The following DMRT1 variants were observed in gnomAD, a reference collection of about 807,000 sequenced individuals.
DMRT1 encodes doublesex and mab-3 related transcription factor 1.
In DMRT1, 7 loss-of-function variants were observed where a neutral mutation model predicts 32.3. That is an observed-to-expected ratio of 0.22 (90% CI 0.12 to 0.41). The LOEUF (loss-of-function observed/expected upper bound fraction) is 0.41, where lower values mean the gene tolerates loss of function less well. Ranked by LOEUF, DMRT1 falls within the 10% of genes least tolerant of loss-of-function variation. The probability of loss-of-function intolerance (pLI) is 1.00; values close to 1 mark genes in which losing one functional copy is unlikely to be tolerated. For synonymous variants in DMRT1, 278 were observed against 206.1 expected, an observed-to-expected ratio of 1.35 and a Z score of -2.99; for missense variants, 625 against 500.5, an observed-to-expected ratio of 1.25 and a Z score of -2.37.
chr9:937,834 G>T (rs901429283), intron 4 of DMRT1, among the ~76,000 whole-genome samples: 6 of 148,366 alleles, frequency 4.0e-5, no homozygotes, highest in African/African-American at 1.5e-4. Context: ...TTGCACAAAA[G>T]TTTTTTTTTT....
intron 2 of DMRT1, among the ~76,000 whole-genome samples, chr9:885,655 C>G (rs551201455): frequency 6.6e-6 from 1 of 152,256 alleles, no homozygotes; most frequent in Non-Finnish European, 1.5e-5. Context: ...GTTTTGTAGA[C>G]ACAGGATGGA....
chr9:964,962 C>T (rs779634296), intron 4 of DMRT1, among the ~76,000 whole-genome samples: 56 of 152,166 alleles, frequency 3.7e-4, no homozygotes, highest in Non-Finnish European at 7.3e-4. Flanking sequence ...TGAAATTAGC[C>T]TGGTGTAGGG....
chr9:888,699 GTTGTTAATAGT>G (rs1250541460), intron 2 of DMRT1, among the ~76,000 whole-genome samples: 4,293 of 149,610 alleles, frequency 0.029, 128 homozygotes, highest in African/African-American at 0.06. Flanking sequence ...GTGTGGAGCA[GTTGTTAATAGT>G]CAGGACTGTC....
chr9:917,913 G>T (rs1818234837), intron 4 of DMRT1, among the ~76,000 whole-genome samples: 1 of 152,200 alleles, frequency 6.6e-6, no homozygotes, highest in Non-Finnish European at 1.5e-5. Flanking sequence ...AGTACACATT[G>T]TTGATTGCAG....
chr9:922,358 G>T (rs973051942), intron 4 of DMRT1, among the ~76,000 whole-genome samples: 1 of 152,132 alleles, frequency 6.6e-6, no homozygotes, highest in Non-Finnish European at 1.5e-5. Context: ...ATAAGAATGT[G>T]GCCACTTCGT....
intron 2 of DMRT1, among the ~76,000 whole-genome samples, chr9:849,826 T>TCA (rs1839062692): frequency 2.9e-5 from 2 of 68,994 alleles, no homozygotes; most frequent in Non-Finnish European, 7.9e-5. Context: ...TCTCTCTCTC[T>TCA]CTCTTTTTTT....
chr9:911,470 ATTTTTTTT>A (rs201141931), intron 3 of DMRT1, among the ~76,000 whole-genome samples: 7,924 of 67,122 alleles, frequency 0.12, 615 homozygotes, highest in East Asian at 0.31. Flanking sequence ...GGTTAATTGC[ATTTTTTTT>A]TTTTTTTTTT....
chr9:937,643 C>T (rs984202988), intron 4 of DMRT1, among the ~76,000 whole-genome samples: 14 of 152,018 alleles, frequency 9.2e-5, no homozygotes, highest in South Asian at 2.1e-4. Flanking sequence ...ATTTATGTAT[C>T]GTCTTTGGAG....
At chr9:949,891 C>CT (rs1024776484) in intron 4 of DMRT1, among the ~76,000 whole-genome samples, 3 of 152,158 alleles carry the variant, frequency 2.0e-5, no homozygotes, top group Admixed American at 2.0e-4. Flanking sequence ...GTAAGATTTC[C>CT]TTCTTTTTAA....
At chr9:873,007 C>G (rs560245406) in intron 2 of DMRT1, among the ~76,000 whole-genome samples, 22 of 152,312 alleles carry the variant, frequency 1.4e-4, no homozygotes, top group African/African-American at 5.1e-4. Context: ...CAGTGTCTTT[C>G]GGAAACACTC....
chr9:849,027 A>G (rs1288537619), intron 2 of DMRT1, among the ~76,000 whole-genome samples: 2 of 150,924 alleles, frequency 1.3e-5, no homozygotes. Flanking sequence ...ATGAGTAAAG[A>G]GGGCAAGTTC....
intron 2 of DMRT1, among the ~76,000 whole-genome samples, chr9:861,901 ATGGGG>A (rs1345450419): frequency 1.4e-5 from 2 of 145,368 alleles, no homozygotes; most frequent in African/African-American, 2.6e-5. Flanking sequence ...CACATCCCAG[ATGGGG>A]CGGCGGGGCA....
intron 1 of DMRT1, among the ~76,000 whole-genome samples, chr9:846,756 T>A (rs147743938): frequency 6.6e-6 from 1 of 152,294 alleles, no homozygotes; most frequent in Non-Finnish European, 1.5e-5. Flanking sequence ...ACAAGCATTT[T>A]TTGAGCACCT....
intron 3 of DMRT1, among the ~76,000 whole-genome samples, chr9:911,033 T>C (rs554872226): frequency 3.3e-5 from 5 of 152,288 alleles, no homozygotes; most frequent in South Asian, 2.1e-4. Context: ...AGCACTTAGC[T>C]GTTTTCTTCT....
chr9:921,048 C>G lies in DMRT1; in HGVS notation c.967+4141C>G, dbSNP rs543149692. Among the ~76,000 whole-genome samples, 30 of 152,210 alleles carry G rather than the reference C, an allele frequency of 2.0e-4. No homozygotes were observed. In the South Asian group the frequency reaches 5.0e-3, roughly 25 times the overall value. On this transcript the variant is annotated intron_variant, in intron 4 of 4. Coordinates refer to ENST00000382276, the MANE Select transcript of DMRT1 (RefSeq NM_021951.3). ...GAATCCACCTAACATTAACTATTAA[C>G]CATAATTAAAGTGTACAATTCAGTG...
chr9:936,998 C>T (rs1818909076), intron 4 of DMRT1, among the ~76,000 whole-genome samples: 1 of 152,112 alleles, frequency 6.6e-6, no homozygotes, highest in African/African-American at 2.4e-5. Flanking sequence ...CAATAACTTC[C>T]CATTTTCCAT....
intron 2 of DMRT1, among the ~76,000 whole-genome samples, chr9:857,346 G>GTA (rs1225684301): frequency 7.9e-5 from 12 of 151,946 alleles, no homozygotes; most frequent in Non-Finnish European, 1.5e-4. Flanking sequence ...AATATAATAT[G>GTA]TATATATATA....
At chr9:893,817 T>C (rs943457222) in intron 2 of DMRT1, 95 bp from the exon 3 acceptor site, 1 of 1,169,388 alleles carries the variant, frequency 8.6e-7, no homozygotes, top group African/African-American at 1.5e-5. Context: ...TTCAGCTACC[T>C]TGCTCCGCAG....
rs75319268 is a variant in DMRT1 at position 933,249 on chromosome 9, T to A, written c.967+16342T>A. On this transcript the variant is annotated intron_variant, in intron 4 of 4. Transcript: ENST00000382276. ...CCAAGCTTTTAATCAAGGCTTAGGG[T>A]CTTTCGGGCGACCAGCCCCCATCCT... Among the ~76,000 whole-genome samples, 1,448 of 152,172 alleles carry A rather than the reference T, an allele frequency of 9.5e-3. 20 individuals carry two copies. The highest frequency in any genetic ancestry group is 0.033 in the African/African-American group (1,355 of 41,518).
Sources: gnomAD v4.1 joint callset for allele counts (sites outside exome capture counted in the v4.1 genomes callset) on GRCh38, gnomAD v4.1.1 for gene constraint, MANE v1.5 for transcripts, NCBI Gene and HGNC (gene_info 2026-07-23, HGNC 2026-07-21) for gene names.